The following RBFOX1 variants were observed in gnomAD, a reference collection of about 807,000 sequenced individuals.
RBFOX1 encodes the protein RNA binding protein fox-1 homolog 1.
A neutral mutation model predicts 57.7 loss-of-function variants in RBFOX1; 8 were observed. The observed-to-expected ratio is 0.14, with a 90% CI of 0.08 to 0.25. The LOEUF is 0.25. Among genes scored for constraint, RBFOX1 ranks in the 10% least tolerant of loss-of-function variants. The probability of loss-of-function intolerance (pLI) is 1.00; values close to 1 mark genes in which losing one functional copy is unlikely to be tolerated. For missense variants in RBFOX1, 611 were observed against 548.5 expected (o/e 1.11, Z -1.14); for synonymous variants, 326 against 222.4 (o/e 1.47, Z -4.15).
At chr16:7,105,852 G>A (rs1352833894) in intron 4 of RBFOX1, among the ~76,000 whole-genome samples, 1 of 152,046 alleles carries the variant, frequency 6.6e-6, no homozygotes, top group Non-Finnish European at 1.5e-5. Flanking sequence ...CATTTGCGTT[G>A]GAGGAACCAT....
intron 1 of RBFOX1, among the ~76,000 whole-genome samples, chr16:6,242,565 C>T (rs1174179083): frequency 1.3e-5 from 2 of 150,166 alleles, no homozygotes; most frequent in African/African-American, 4.9e-5. Context: ...AGTCCATCAT[C>T]ACTTATGCAA....
Position 7,146,568 on chromosome 16 carries a change from C to T in RBFOX1, c.27+94470C>T, listed in dbSNP as rs191285375. On this transcript the variant is annotated intron_variant, in intron 4 of 15. Transcript: ENST00000550418. ...TTCTTTCAGGTCTTCTTGGGTTTCT[C>T]ATTGAAACAAAGCAAGAAGAATAAG... Among the ~76,000 whole-genome samples, 9 of 152,266 alleles carry T rather than the reference C, an allele frequency of 5.9e-5. No homozygotes were observed. The East Asian group carries it at 1.5e-3, about 26-fold the overall frequency.
In RBFOX1 at chr16:5,377,939, G is replaced by A. The variant is rs146365212; in HGVS notation, c.220-89277G>A. Among the ~76,000 whole-genome samples, 55 of 151,760 alleles carry A rather than the reference G, an allele frequency of 3.6e-4. 1 individual carries two copies. The highest frequency in any genetic ancestry group is 1.3e-3 in the African/African-American group (53 of 41,018). On this transcript the variant is annotated intron_variant, in intron 1 of 2. Transcript: ENST00000585867. Reference sequence around the variant, plus strand: ...CGTTTCTTACTTCCCACTAATGGGAGCCTATTCAGGTAATTTTCTTTTCTT... The same window carrying A: ...CGTTTCTTACTTCCCACTAATGGGAACCTATTCAGGTAATTTTCTTTTCTT...
intron 4 of RBFOX1, among the ~76,000 whole-genome samples, chr16:7,467,164 C>G (rs1348257932): frequency 6.6e-6 from 1 of 152,158 alleles, no homozygotes; most frequent in East Asian, 1.9e-4. Flanking sequence ...GAGAGGAAAT[C>G]AGACTTCTTT....
At position 7,385,958 on chromosome 16, in the gene RBFOX1, A is replaced by ATTTT. The variant is rs1555815003; in HGVS notation, c.28-132186_28-132183dup. On this transcript the variant is annotated intron_variant, in intron 4 of 15. Coordinates refer to ENST00000550418, the MANE Select transcript of RBFOX1 (RefSeq NM_018723.4). ...TATTTATTTATTTATTTATTTATTT[A>ATTTT]TTTTTTATTTTTAGTAGAGACGGAG... Among the ~76,000 whole-genome samples the ATTTT allele has an allele frequency of 2.8e-5, 4 of 142,246 alleles. No individual in the cohort carries two copies. In the South Asian group the frequency reaches 6.6e-4, roughly 24 times the overall value. The allele number at this position is 142,246 out of a possible 152,430, so 93.3% of individuals were successfully genotyped here.
At chr16:6,077,471 A>C (rs141870141) in intron 1 of RBFOX1, among the ~76,000 whole-genome samples, 1,849 of 152,244 alleles carry the variant, frequency 0.012, 20 homozygotes, top group Middle Eastern at 0.061. Context: ...GGAGAATGAG[A>C]AAGAAAATCA....
chr16:5,443,661 T>C (rs2068154212), intron 1 of RBFOX1, among the ~76,000 whole-genome samples: 1 of 152,218 alleles, frequency 6.6e-6, no homozygotes, highest in Admixed American at 6.5e-5. Flanking sequence ...TTAACCACTC[T>C]AATTTTTATG....
intron 4 of RBFOX1, among the ~76,000 whole-genome samples, chr16:7,154,087 G>T (rs1431927473): frequency 6.6e-6 from 1 of 152,166 alleles, no homozygotes; most frequent in African/African-American, 2.4e-5. Context: ...AGAACTTACA[G>T]GGGAATATTA....
intron 1 of RBFOX1, among the ~76,000 whole-genome samples, chr16:5,321,136 G>T (rs1333777438): frequency 6.6e-6 from 1 of 152,118 alleles, no homozygotes; most frequent in Non-Finnish European, 1.5e-5. Flanking sequence ...CAGTACTATA[G>T]ACATTCAGGT....
intron 4 of RBFOX1, among the ~76,000 whole-genome samples, chr16:7,251,932 GT>G (rs2094513449): frequency 6.6e-6 from 1 of 152,102 alleles, no homozygotes; most frequent in South Asian, 2.1e-4. Context: ...CATAATGGCT[GT>G]ACTAATTTGC....
chr16:7,476,713 C>G (rs1267904384), intron 4 of RBFOX1, among the ~76,000 whole-genome samples: 1 of 152,082 alleles, frequency 6.6e-6, no homozygotes, highest in Non-Finnish European at 1.5e-5. Flanking sequence ...CAGAAAGACC[C>G]CTCTGAAGCA....
At chr16:7,504,176 G>C (rs1012621564) in intron 4 of RBFOX1, among the ~76,000 whole-genome samples, 1 of 151,984 alleles carries the variant, frequency 6.6e-6, no homozygotes, top group East Asian at 1.9e-4. Flanking sequence ...TTTTCTTAGC[G>C]TCTCAGAGCC....
chr16:6,636,884 TTA>T (rs1445413035), intron 2 of RBFOX1, among the ~76,000 whole-genome samples: 2 of 127,600 alleles, frequency 1.6e-5, no homozygotes, highest in African/African-American at 3.0e-5. Context: ...TTTAATATAT[TTA>T]TATGTTTAAA....
At chr16:7,089,521 T>C (rs2060485286) in intron 4 of RBFOX1, among the ~76,000 whole-genome samples, 1 of 152,232 alleles carries the variant, frequency 6.6e-6, no homozygotes, top group Non-Finnish European at 1.5e-5. Context: ...TTCTGGTTAA[T>C]TATAAACAAA....
intron 3 of RBFOX1, among the ~76,000 whole-genome samples, chr16:5,750,101 G>T (rs1423729118): frequency 6.6e-6 from 1 of 152,202 alleles, no homozygotes; most frequent in East Asian, 1.9e-4. Context: ...ACCCTCAGCT[G>T]CAGGTCTGTT....
chr16:5,624,669 G>A (rs545092128), intron 3 of RBFOX1, among the ~76,000 whole-genome samples: 1 of 152,354 alleles, frequency 6.6e-6, no homozygotes, highest in South Asian at 2.1e-4. Flanking sequence ...GCCACTAGCT[G>A]AAGGGCGCTC....
At chr16:7,404,482 G>A (rs2098301064) in intron 4 of RBFOX1, among the ~76,000 whole-genome samples, 1 of 152,162 alleles carries the variant, frequency 6.6e-6, no homozygotes, top group Admixed American at 6.5e-5. Flanking sequence ...TTTTCTGGCA[G>A]GCACTGCGTG....
At chr16:6,130,016 A>G (rs1004809271) in intron 1 of RBFOX1, among the ~76,000 whole-genome samples, 2 of 152,188 alleles carry the variant, frequency 1.3e-5, no homozygotes, top group African/African-American at 4.8e-5. Flanking sequence ...CAGCAGCACA[A>G]GAAATGCAAG....
At chr16:7,540,851 C>G (rs12934004) in intron 5 of RBFOX1, among the ~76,000 whole-genome samples, 88,817 of 152,092 alleles carry the variant, frequency 0.58, 27,922 homozygotes, top group Middle Eastern at 0.72. Context: ...GAAGTCTTAT[C>G]ACTTTCCTTA....
Sources: gnomAD v4.1 joint callset for allele counts (sites outside exome capture counted in the v4.1 genomes callset) on GRCh38, gnomAD v4.1.1 for gene constraint, MANE v1.5 for transcripts, NCBI Gene and HGNC (gene_info 2026-07-23, HGNC 2026-07-21) for gene names.